The following EPN1 variants were observed in gnomAD, a reference collection of about 807,000 sequenced individuals.
EPN1 encodes the protein epsin 1, also known as epsin-1.
A neutral mutation model predicts 56.9 loss-of-function variants in EPN1; 25 were observed. That is an observed-to-expected ratio of 0.44 (90% CI 0.32 to 0.61). The LOEUF (loss-of-function observed/expected upper bound fraction) is 0.61. EPN1 is among the 20% of genes least tolerant of loss of function. The pLI, the probability that EPN1 is intolerant of heterozygous loss-of-function variation, is 0.05. For missense variants in EPN1, 785 were observed against 823.7 expected (o/e 0.95, Z 0.58); for synonymous variants, 411 against 361.8 (o/e 1.14, Z -1.54).
chr19:55,689,318 G>T lies in EPN1; in HGVS notation c.625G>T (p.Asp209Tyr). The T allele has an allele frequency of 6.4e-7, 1 of 1,551,622 alleles. No individual in the cohort carries two copies. Among genetic ancestry groups the T allele is most frequent in the Non-Finnish European group, 8.7e-7 (1 of 1,146,936 alleles). Residue 209 changes from aspartate to tyrosine, a missense_variant, in exon 5 of 11, where the codon GAC becomes TAC. Transcript: ENST00000270460. This position sits in a 1 kb window ranked among gnomAD's most constrained non-coding sequence, Gnocchi z 5.7. The part of the protein sequence containing the change: ...ADQPPSCGPE[D>Y]DAQLQLALSL... ...CCAGCCCCCGTCCTGCGGCCCCGAG[G>T]ACGACGCCCAGCTCCAGCTGGCCCT...
chr19:55,686,791 G>A (rs1197193493), intron 3 of EPN1, among the ~76,000 whole-genome samples: 4 of 152,056 alleles, frequency 2.6e-5, no homozygotes, highest in Non-Finnish European at 5.9e-5. Flanking sequence ...GAGAGGGGCT[G>A]GTCAGCTCGA....
chr19:55,677,833 G>A, intron 1 of EPN1: 1 of 1,379,928 alleles, frequency 7.2e-7, no homozygotes, highest in Non-Finnish European at 9.5e-7. Context: ...CTCTGCCCTT[G>A]TTCCAGAGGT....
intron 1 of EPN1, chr19:55,677,128 G>A (rs1234811453): frequency 1.9e-6 from 3 of 1,551,082 alleles, no homozygotes; most frequent in African/African-American, 1.4e-5. Flanking sequence ...ACATCATGGC[G>A]GGGCTTTGAA....
At chr19:55,693,386 C>T (rs1012758175) in intron 9 of EPN1, 2 of 185,462 alleles carry the variant, frequency 1.1e-5, no homozygotes, top group African/African-American at 2.3e-5. Flanking sequence ...CAGTGAGCTG[C>T]GTGGACAGGG....
rs117382106 is a variant in EPN1, at chr19:55,682,208, G to C, written c.229-3188G>C. ...ACAGCTGTTACGCATGTGGACACCTGTGTAGCCTTCACCTAGAGGGAGGTA... is the reference window on the plus strand; with the variant it reads ...ACAGCTGTTACGCATGTGGACACCTCTGTAGCCTTCACCTAGAGGGAGGTA... On this transcript the variant is annotated intron_variant, in intron 2 of 10. Transcript: ENST00000270460. Among the ~76,000 whole-genome samples, 92 of 152,358 alleles carry C rather than the reference G, an allele frequency of 6.0e-4. 1 individual carries two copies. In the East Asian group the frequency reaches 0.015, roughly 24 times the overall value.
intron 2 of EPN1, among the ~76,000 whole-genome samples, chr19:55,683,239 T>C (rs949535551): frequency 6.6e-6 from 1 of 150,934 alleles, no homozygotes; most frequent in East Asian, 2.0e-4. Flanking sequence ...GTATTTTTAG[T>C]AGAGATGGTG....
At chr19:55,687,576 C>G (rs1986251335) in intron 3 of EPN1, among the ~76,000 whole-genome samples, 1 of 151,984 alleles carries the variant, frequency 6.6e-6, no homozygotes, top group Non-Finnish European at 1.5e-5. Context: ...GTCCCTAGAG[C>G]TTAGGAGGAA....
In EPN1 at chr19:55,695,429, G is replaced by A; in HGVS notation, c.*73G>A. 2.4e-6 allele frequency: 2 copies of A among 819,282 alleles called. No individual in the cohort carries two copies. Among genetic ancestry groups the A allele is most frequent in the Non-Finnish European group, 3.8e-6 (2 of 525,678 alleles). 50.8% of individuals were successfully genotyped at this position (819,282 alleles called of 1,614,324 possible). A position where few individuals can be genotyped will look rare whatever the true frequency, so the allele number is the denominator to read the frequency against. On this transcript the variant is annotated 3_prime_UTR_variant, in exon 11 of 11. Coordinates refer to ENST00000270460, the MANE Select transcript of EPN1 (RefSeq NM_001130072.2). The surrounding 1 kb of genome is among the most constrained non-coding windows in gnomAD (Gnocchi z 4.4). ...TCCCTGGGAGATCAGTGTTGTGAGT[G>A]CATGTGAAATGGGGGATCCCCACCC...
In EPN1 at chr19:55,678,633, G is replaced by A. The variant is rs114396589; in HGVS notation, c.6G>A (p.Ser2=). 3.8e-3 allele frequency: 6,080 copies of A among 1,609,692 alleles called. 140 individuals carry two copies. In the African/African-American group the frequency reaches 0.053, roughly 14 times the overall value. ...TGCTGCTGCAGCCGGGCACCATGTC[G>A]ACCTCGTCCTTGAGGCGCCAGATGA... M[S]TSSLRRQMKN... Residue 2 remains serine, a synonymous_variant, in exon 2 of 11, where the codon TCG becomes TCA. Coordinates refer to ENST00000270460, the MANE Select transcript of EPN1 (RefSeq NM_001130072.2).
chr19:55,677,743 C>G, intron 1 of EPN1: 2 of 1,528,076 alleles, frequency 1.3e-6, no homozygotes, highest in Non-Finnish European at 1.8e-6. Flanking sequence ...GGGTTGGTTC[C>G]CTGCTCCTGC....
Position 55,693,165 on chromosome 19 carries a change from T to C in EPN1, c.1264+128T>C. On this transcript the variant is annotated intron_variant, in intron 9 of 10. Coordinates refer to ENST00000270460, the MANE Select transcript of EPN1 (RefSeq NM_001130072.2). ...CTGGACTTAGGGATGAAAAGTTCAG[T>C]TGGGTAGAGTGGGCCAGAACCATCC... 3 of 794,088 alleles carry C rather than the reference T, an allele frequency of 3.8e-6. No homozygotes were observed. In the South Asian group the frequency reaches 5.1e-5, roughly 14 times the overall value. 49.2% of individuals were successfully genotyped at this position (794,088 alleles called of 1,614,324 possible).
Position 55,694,859 on chromosome 19 carries a change from C to A in EPN1, c.1398C>A (p.Pro466=), listed in dbSNP as rs763683773. The A allele has an allele frequency of 8.7e-6, 14 of 1,608,032 alleles. No individual in the cohort carries two copies. The East Asian group carries it at 1.1e-4, about 13-fold the overall frequency. ...PPAATPTPTP[P]TRKTPESFLG... ...CAGCCACACCAACTCCCACGCCCCCCACCCGGAAGACGCCGGAGTCATTCC... is the reference window on the plus strand; with the variant it reads ...CAGCCACACCAACTCCCACGCCCCCAACCCGGAAGACGCCGGAGTCATTCC... Residue 466 remains proline (P), a synonymous_variant, in exon 10 of 11, where the codon CCC becomes CCA. Transcript: ENST00000270460. This position sits in a 1 kb window ranked among gnomAD's most constrained non-coding sequence, Gnocchi z 4.2.
In EPN1 at chr19:55,709,033, G is replaced by T; in HGVS notation, c.*13677G>T. 1 of 1,571,164 alleles carries T rather than the reference G, an allele frequency of 6.4e-7. No homozygotes were observed. Among genetic ancestry groups the T allele is most frequent in the South Asian group, 1.2e-5 (1 of 82,014 alleles). ...CTTCTGAGTTTCTTCATCAAAGCCA[G>T]ATTTGTGCAGCCTGGGAAAATAGAA... is the stretch of plus-strand genomic sequence containing the variant. On this transcript the variant is annotated 3_prime_UTR_variant, in exon 11 of 11. Coordinates refer to ENST00000270460, the MANE Select transcript of EPN1 (RefSeq NM_001130072.2).
chr19:55,688,002 G>T (rs1158686486), intron 3 of EPN1, among the ~76,000 whole-genome samples: 1 of 152,336 alleles, frequency 6.6e-6, no homozygotes, highest in East Asian at 1.9e-4. Flanking sequence ...GGACACAGGT[G>T]CAAGGCGGCG....
chr19:55,692,004 C>G lies in EPN1; in HGVS notation c.1013C>G (p.Pro338Arg). 1 of 1,478,504 alleles carries G rather than the reference C, an allele frequency of 6.8e-7. No individual in the cohort carries two copies. Among genetic ancestry groups the G allele is most frequent in the Non-Finnish European group, 8.9e-7 (1 of 1,122,226 alleles). The allele number at this position is 1,478,504 out of a possible 1,614,324, so 91.6% of individuals were successfully genotyped here. The change falls in exon 7 of 11, where the codon CCA becomes CGA. Residue 338 changes from proline (P) to arginine (R), a missense_variant. Coordinates refer to ENST00000270460, the MANE Select transcript of EPN1 (RefSeq NM_001130072.2). ...TCAGTTGACCCTTGGGGTGGGACCC[C>G]AGCCCCTGCAGCTGGGGAGGGGCCC... ...GPSVDPWGGT[P>R]APAAGEGPTP...
intron 6 of EPN1, among the ~76,000 whole-genome samples, chr19:55,690,548 C>A (rs1986474120): frequency 6.6e-6 from 1 of 152,208 alleles, no homozygotes. Flanking sequence ...GCCTCTGGGC[C>A]CGGGGTGTCC....
chr19:55,688,558 G>C (rs1370270299), intron 3 of EPN1, among the ~76,000 whole-genome samples: 1 of 152,186 alleles, frequency 6.6e-6, no homozygotes, highest in Non-Finnish European at 1.5e-5. Context: ...GGCACGCGGA[G>C]AGTCCTGGTG....
chr19:55,679,699 C>T (rs1019961581), intron 2 of EPN1, among the ~76,000 whole-genome samples: 2 of 152,170 alleles, frequency 1.3e-5, no homozygotes, highest in Non-Finnish European at 2.9e-5. Context: ...GATGAGGAGG[C>T]TGAGGCCTGG....
Position 55,707,264 on chromosome 19 carries a change from C to CTATG in EPN1, c.*11908_*11909insTATG, listed in dbSNP as rs1987468493. On this transcript the variant is annotated 3_prime_UTR_variant, in exon 11 of 11. Transcript: ENST00000270460. Reference sequence around the variant, plus strand: ...GGCTGAGGCAGGAGCATCACTTGAACCCAGGAGTTCAAGGCTGCAGTGAGC... The same window carrying CTATG: ...GGCTGAGGCAGGAGCATCACTTGAACTATGCCAGGAGTTCAAGGCTGCAGTGAGC... The CTATG allele has an allele frequency of 2.0e-5, 3 of 152,024 alleles. No individual in the cohort carries two copies. The South Asian group carries it at 6.2e-4, about 32-fold the overall frequency. 9.4% of individuals were successfully genotyped at this position (152,024 alleles called of 1,614,324 possible).
Sources: gnomAD v4.1 joint callset for allele counts (sites outside exome capture counted in the v4.1 genomes callset) on GRCh38, gnomAD v4.1.1 for gene constraint, Gnocchi (gnomAD v3.1) non-coding constraint, MANE v1.5 for transcripts, NCBI Gene and HGNC (gene_info 2026-07-23, HGNC 2026-07-21) for gene names.